Variants in CYP39A1 observed in about 807,000 individuals in gnomAD.
CYP39A1 encodes the protein cytochrome P450 family 39 subfamily A member 1.
In CYP39A1, 49 loss-of-function variants were observed where a neutral mutation model predicts 58.1. The observed-to-expected ratio is 0.84, with a 90% CI of 0.67 to 1.07. The LOEUF (loss-of-function observed/expected upper bound fraction) is 1.07. Among genes scored for constraint, CYP39A1 ranks in the 50% least tolerant of loss-of-function variants. The pLI is 0.00. For synonymous variants in CYP39A1, 209 were observed against 187.6 expected, an observed-to-expected ratio of 1.11 and a Z score of -0.93; for missense variants, 531 against 539.4, an observed-to-expected ratio of 0.98 and a Z score of 0.16.
chr6:46,626,695 T>C (rs1032900798), intron 6 of CYP39A1, among the ~76,000 whole-genome samples: 2 of 152,220 alleles, frequency 1.3e-5, no homozygotes, highest in African/African-American at 4.8e-5. Flanking sequence ...AAGAAAGATT[T>C]ATCCTAGAGA....
At chr6:46,582,539 A>G (rs573059138) in intron 10 of CYP39A1, among the ~76,000 whole-genome samples, 2 of 152,242 alleles carry the variant, frequency 1.3e-5, no homozygotes, top group South Asian at 4.1e-4. Context: ...CATCTTAGGA[A>G]GCTGACCTTT....
intron 2 of CYP39A1, among the ~76,000 whole-genome samples, chr6:46,640,986 A>G (rs530968298): frequency 3.3e-5 from 5 of 152,234 alleles, no homozygotes; most frequent in African/African-American, 1.2e-4. Flanking sequence ...GCTACTATAC[A>G]TATACTATGC....
In CYP39A1 at chr6:46,652,632, C is replaced by T; in HGVS notation, c.-50G>A. The T allele has an allele frequency of 6.7e-7, 1 of 1,490,350 alleles. No individual in the cohort carries two copies. 92.3% of individuals were successfully genotyped at this position (1,490,350 alleles called of 1,614,324 possible). On this transcript the variant is annotated 5_prime_UTR_variant, in exon 1 of 12. Transcript: ENST00000275016. ...GCAGAAAAGTGTGAAACAGTCCTGC[C>T]GTCCCTTGCTTCTTTTCTGTGGGCT...
At chr6:46,645,434 C>T (rs1272065929) in intron 1 of CYP39A1, among the ~76,000 whole-genome samples, 1 of 152,060 alleles carries the variant, frequency 6.6e-6, no homozygotes, top group Non-Finnish European at 1.5e-5. Context: ...TTTAAAAAGG[C>T]CATCTTTATT....
intron 10 of CYP39A1, chr6:46,583,604 TA>T: frequency 1.0e-6 from 1 of 985,126 alleles, no homozygotes; most frequent in Non-Finnish European, 1.2e-6. Flanking sequence ...AAAACAGAAA[TA>T]AATCACCAGA....
At chr6:46,650,914 A>G (rs1350383985) in intron 1 of CYP39A1, among the ~76,000 whole-genome samples, 5 of 152,190 alleles carry the variant, frequency 3.3e-5, no homozygotes, top group Admixed American at 6.5e-5. Context: ...AAAATTATCA[A>G]GATCATATGC....
At chr6:46,610,184 A>C (rs1015821756) in intron 7 of CYP39A1, among the ~76,000 whole-genome samples, 1 of 152,222 alleles carries the variant, frequency 6.6e-6, no homozygotes, top group Admixed American at 6.5e-5. Flanking sequence ...GAAGATTATA[A>C]AGTTGATTTT....
At chr6:46,615,780 A>G (rs1040920637) in intron 7 of CYP39A1, among the ~76,000 whole-genome samples, 1 of 151,548 alleles carries the variant, frequency 6.6e-6, no homozygotes, top group African/African-American at 2.4e-5. Context: ...TGCCATCATG[A>G]TGGTGATCTC....
chr6:46,560,352 G>A (rs781494128), intron 10 of CYP39A1, among the ~76,000 whole-genome samples: 13 of 152,150 alleles, frequency 8.5e-5, no homozygotes, highest in Non-Finnish European at 1.9e-4. Context: ...CAGGATGGTA[G>A]AAATAGTTGT....
chr6:46,586,927 G>A (rs1403621172), intron 10 of CYP39A1, 150 bp downstream of exon 10: 1 of 638,976 alleles, frequency 1.6e-6, no homozygotes, highest in East Asian at 2.8e-5. Context: ...CACTGCACAG[G>A]ACCACAGATA....
chr6:46,553,278 A>C (rs949920746), intron 11 of CYP39A1, among the ~76,000 whole-genome samples: 2 of 152,126 alleles, frequency 1.3e-5, no homozygotes, highest in Non-Finnish European at 2.9e-5. Context: ...CTGAATATTC[A>C]ATAGTTTGAG....
chr6:46,592,824 C>T (rs1432464060), intron 8 of CYP39A1, among the ~76,000 whole-genome samples: 1 of 152,094 alleles, frequency 6.6e-6, no homozygotes, highest in Non-Finnish European at 1.5e-5. Flanking sequence ...GGCATGATGG[C>T]ACACTCCTGT....
chr6:46,562,845 C>T (rs1771058098), intron 10 of CYP39A1, among the ~76,000 whole-genome samples: 3 of 152,002 alleles, frequency 2.0e-5, no homozygotes, highest in Admixed American at 2.0e-4. Flanking sequence ...AATGATAAAA[C>T]TACATTTCCC....
At chr6:46,589,826 C>A (rs1772720771) in intron 8 of CYP39A1, among the ~76,000 whole-genome samples, 1 of 152,110 alleles carries the variant, frequency 6.6e-6, no homozygotes, top group Admixed American at 6.5e-5. Context: ...TCAGTCAGGA[C>A]AACCACAGCC....
At chr6:46,589,773 G>A (rs1772713839) in intron 8 of CYP39A1, among the ~76,000 whole-genome samples, 1 of 152,064 alleles carries the variant, frequency 6.6e-6, no homozygotes, top group African/African-American at 2.4e-5. Flanking sequence ...GGGCCGTGAT[G>A]TGTATTTGAG....
intron 7 of CYP39A1, among the ~76,000 whole-genome samples, chr6:46,620,199 TA>T (rs1353836834): frequency 1.3e-5 from 2 of 152,234 alleles, no homozygotes; most frequent in African/African-American, 4.8e-5. Flanking sequence ...ATAGAAGCCT[TA>T]AAAGCCAGAA....
intron 1 of CYP39A1, among the ~76,000 whole-genome samples, chr6:46,649,829 T>A (rs1304535930): frequency 6.6e-6 from 1 of 152,230 alleles, no homozygotes; most frequent in African/African-American, 2.4e-5. Context: ...CATGATCTAT[T>A]CAAAGATTAA....
At chr6:46,561,107 G>A (rs530270662) in intron 10 of CYP39A1, among the ~76,000 whole-genome samples, 16 of 152,288 alleles carry the variant, frequency 1.1e-4, no homozygotes, top group Admixed American at 7.8e-4. Context: ...GGCATTTCAT[G>A]TTTGGTAGAA....
chr6:46,585,142 T>A (rs1389553122), intron 10 of CYP39A1, among the ~76,000 whole-genome samples: 6 of 152,146 alleles, frequency 3.9e-5, no homozygotes, highest in Non-Finnish European at 7.4e-5. Flanking sequence ...AAATGTCTGT[T>A]AGCCTCAAAT....
Sources: allele counts gnomAD v4.1 joint callset (sites outside exome capture counted in the v4.1 genomes callset), GRCh38; gene constraint gnomAD v4.1.1; transcripts MANE v1.5; gene names NCBI Gene and HGNC (gene_info 2026-07-23, HGNC 2026-07-21).